The following RHOBTB2 variants were observed in gnomAD, a reference collection of about 807,000 sequenced individuals.
The protein encoded by RHOBTB2 is rho-related BTB domain-containing protein 2.
A neutral mutation model predicts 66.5 loss-of-function variants in RHOBTB2; 39 were observed. The ratio of observed to expected loss-of-function variants is 0.59; its 90% confidence interval spans 0.45 to 0.77. RHOBTB2 has a LOEUF of 0.77. Ranked by LOEUF, RHOBTB2 falls within the 30% of genes least tolerant of loss-of-function variation. The pLI is 0.00. For missense variants in RHOBTB2, 755 were observed against 999.1 expected, an observed-to-expected ratio of 0.76 and a Z score of 3.29; for synonymous variants, 390 against 395.0, an observed-to-expected ratio of 0.99 and a Z score of 0.15.
At chr8:23,009,415 G>T (rs1811069884) in intron 6 of RHOBTB2, among the ~76,000 whole-genome samples, 1 of 152,100 alleles carries the variant, frequency 6.6e-6, no homozygotes, top group African/African-American at 2.4e-5. Context: ...GTAGCCCTTG[G>T]TGTGCTCTGA....
Position 23,015,627 on chromosome 8 carries a change from T to A in RHOBTB2, c.1861-11T>A. The A allele has an allele frequency of 1.9e-6, 3 of 1,593,262 alleles. No individual in the cohort carries two copies. The East Asian group carries it at 6.7e-5, about 36-fold the overall frequency. On this transcript the variant is annotated splice_polypyrimidine_tract_variant and intron_variant, in intron 8 of 9. Transcript: ENST00000251822. ...GATTTCAGTACAGACGTTCTTCCCT[T>A]CTGTCCCCAGTTCCACTGTGCGTAC...
chr8:22,999,995 C>G lies in RHOBTB2; in HGVS notation c.-121C>G. On this transcript the variant is annotated 5_prime_UTR_variant, in exon 1 of 10. Coordinates refer to ENST00000251822, the MANE Select transcript of RHOBTB2 (RefSeq NM_015178.3). ...AGCAGCAGCGCGGCGGCGCCGGCGT[C>G]GTCCCAACTTGCAGGCGCGGAGGGA... 1 of 985,576 alleles carries G rather than the reference C, an allele frequency of 1.0e-6. No homozygotes were observed. The highest frequency in any genetic ancestry group is 1.2e-6 in the Non-Finnish European group (1 of 830,038). 61.1% of individuals were successfully genotyped at this position (985,576 alleles called of 1,614,324 possible). A position where few individuals can be genotyped will look rare whatever the true frequency, so the allele number is the denominator to read the frequency against.
At chr8:22,994,540 A>G in intron 2 of RHOBTB2, 2 of 1,483,848 alleles carry the variant, frequency 1.3e-6, no homozygotes, top group Non-Finnish European at 1.8e-6. Flanking sequence ...CGCCCCATCC[A>G]CTCCTGTTCC....
At chr8:22,996,024 T>C (rs549215479), upstream of RHOBTB2, 14 of 785,968 alleles carry the variant, frequency 1.8e-5, no homozygotes, top group East Asian at 3.2e-4. Context: ...AGAGCAACGC[T>C]GGTGGGACTG....
At chr8:22,986,258 T>C (rs966180177), upstream of RHOBTB2, among the ~76,000 whole-genome samples, 2 of 143,842 alleles carry the variant, frequency 1.4e-5, no homozygotes, top group African/African-American at 2.6e-5. Flanking sequence ...CCCAGCCCAG[T>C]GCATTGCTTT....
At chr8:23,014,835 A>G (rs1811245619) in intron 8 of RHOBTB2, 57 bp downstream of exon 8, 1 of 1,413,744 alleles carries the variant, frequency 7.1e-7, no homozygotes, top group Admixed American at 1.8e-5. Flanking sequence ...CTGCCTGCCC[A>G]TTGGCTGCGA....
At chr8:22,986,255 C>T (rs575839019), upstream of RHOBTB2, among the ~76,000 whole-genome samples, 69 of 148,728 alleles carry the variant, frequency 4.6e-4, no homozygotes, top group East Asian at 0.012. Context: ...ATTCCCAGCC[C>T]AGTGCATTGC....
rs1319428781 is a variant in RHOBTB2, at chr8:23,007,723, G to C, written c.1478G>C (p.Cys493Ser). 2 of 1,613,774 alleles carry C rather than the reference G, an allele frequency of 1.2e-6. No individual in the cohort carries two copies. Among genetic ancestry groups the C allele is most frequent in the Admixed American group, 1.7e-5 (1 of 59,992 alleles). ...CGCCGGACCAACCGGGTTAAGGAGT[G>C]CTTGGCAAAAGGCACCTTCTCAGGT... ...HVRRTNRVKE[C>S]LAKGTFSDVT... The change falls in exon 5 of 10, where the codon TGC (cysteine) becomes TCC (serine). Residue 493 changes from cysteine to serine, a missense_variant. Physicochemically the swap from Cys to Ser is moderately radical, Grantham distance 112 (BLOSUM62 -1). Around this residue, in one of 7 missense-constraint regions of RHOBTB2, gnomAD observed 353 missense variants for 458.2 expected, o/e 0.77. Transcript: ENST00000251822.
chr8:22,957,320 T>C, the RHOBTB2 span, among the ~76,000 whole-genome samples: 2 of 152,214 alleles, frequency 1.3e-5, no homozygotes, highest in African/African-American at 4.8e-5. Flanking sequence ...TTTTGCTCTT[T>C]TGTGATCACT....
At chr8:22,996,527 G>A (rs1336863526), upstream of RHOBTB2, among the ~76,000 whole-genome samples, 1 of 131,114 alleles carries the variant, frequency 7.6e-6, no homozygotes, top group Non-Finnish European at 1.7e-5. Context: ...GTGTGTGTGT[G>A]TGTGTGTGTG....
At chr8:23,009,970 A>G (rs935834997) in intron 6 of RHOBTB2, among the ~76,000 whole-genome samples, 3 of 152,246 alleles carry the variant, frequency 2.0e-5, no homozygotes, top group Admixed American at 1.3e-4. Flanking sequence ...CCAAAGCAGC[A>G]GCTCTGAGCA....
chr8:23,000,516 A>G (rs1585186507), intron 1 of RHOBTB2, among the ~76,000 whole-genome samples: 1 of 152,306 alleles, frequency 6.6e-6, no homozygotes, highest in African/African-American at 2.4e-5. Flanking sequence ...ACTCAACTCC[A>G]TTGCAGTCTA....
chr8:23,015,512 C>T (rs1811265029), intron 8 of RHOBTB2, 126 bp from the exon 9 acceptor site: 1 of 645,054 alleles, frequency 1.6e-6, no homozygotes, highest in Non-Finnish European at 2.7e-6. Context: ...GGCGCAGGCT[C>T]TCTAGAACTG....
chr8:22,965,924 C>G, the RHOBTB2 span, among the ~76,000 whole-genome samples: 4 of 152,244 alleles, frequency 2.6e-5, no homozygotes, highest in South Asian at 2.1e-4. Flanking sequence ...ACAAACTGGA[C>G]TCCATGAAAA....
chr8:22,972,426 G>A, the RHOBTB2 span, among the ~76,000 whole-genome samples: 2 of 152,132 alleles, frequency 1.3e-5, no homozygotes, highest in African/African-American at 4.8e-5. Context: ...GCCTTGCTAA[G>A]GTTTCTTGAA....
Position 23,015,709 on chromosome 8 carries a change from C to T in RHOBTB2, c.1932C>T (p.Arg644=). Residue 644 remains arginine (R), a synonymous_variant, in exon 9 of 10, where the codon CGC becomes CGT. Coordinates refer to ENST00000251822, the MANE Select transcript of RHOBTB2 (RefSeq NM_015178.3). The stretch of plus-strand genomic sequence containing the variant: ...GCACCAACTACAACAACGTGTGCCG[C>T]AAGTTCCCCCGAGACATGAAGGCCA... ...HICTNYNNVC[R]KFPRDMKAMS... The T allele has an allele frequency of 6.2e-7, 1 of 1,614,022 alleles. No homozygotes were observed. The highest frequency in any genetic ancestry group is 1.3e-5 in the African/African-American group (1 of 75,042).
chr8:23,005,626 T>G, intron 3 of RHOBTB2, 151 bp downstream of exon 3: 1 of 656,246 alleles, frequency 1.5e-6, no homozygotes. Context: ...TGGGGCAGCC[T>G]GGTGCAGTGA....
Position 23,007,659 on chromosome 8 carries a change from G to T in RHOBTB2, c.1414G>T (p.Ala472Ser), listed in dbSNP as rs1431071240. The change falls in exon 5 of 10, where the codon GCC becomes TCC. Residue 472 changes from alanine to serine, a missense_variant. Physicochemically the swap from Ala to Ser is moderately conservative, Grantham distance 99. This residue lies in a region of RHOBTB2 where 353 missense variants were observed against 458.2 expected (regional missense o/e 0.77). Coordinates refer to ENST00000251822, the MANE Select transcript of RHOBTB2 (RefSeq NM_015178.3). Reference protein sequence around the residue: ...MMVANILNNEAFMNQEITKAF... With the variant: ...MMVANILNNESFMNQEITKAF... ...GGTGGCCAACATTCTCAACAATGAG[G>T]CCTTCATGAACCAGGAGATCACCAA... 6.2e-7 allele frequency: 1 copy of T among 1,614,214 alleles called. No homozygotes were observed. The highest frequency in any genetic ancestry group is 8.5e-7 in the Non-Finnish European group (1 of 1,180,044).
At chr8:22,974,130 G>C in the RHOBTB2 span, among the ~76,000 whole-genome samples, 1 of 152,144 alleles carries the variant, frequency 6.6e-6, no homozygotes, top group Non-Finnish European at 1.5e-5. Context: ...GCTGATATAT[G>C]GTTGGGCTGA....
Sources: allele counts gnomAD v4.1 joint callset (sites outside exome capture counted in the v4.1 genomes callset), GRCh38; gene constraint gnomAD v4.1.1; regional missense constraint gnomAD v4.1.1; transcripts MANE v1.5; gene names NCBI Gene and HGNC (gene_info 2026-07-23, HGNC 2026-07-21).